The following SH3D19 variants were observed in gnomAD, a reference collection of about 807,000 sequenced individuals.
The protein encoded by SH3D19 is SH3 domain-containing protein 19.
Under a neutral mutation model 112.1 loss-of-function variants are expected in SH3D19, and 58 were observed. The ratio of observed to expected loss-of-function variants is 0.52; its 90% confidence interval spans 0.42 to 0.64. The LOEUF is 0.64. Ranked by LOEUF, SH3D19 falls within the 30% of genes least tolerant of loss-of-function variation. SH3D19 has a pLI of 0.00. For missense variants in SH3D19, 1,090 were observed against 1,263.4 expected, an observed-to-expected ratio of 0.86 and a Z score of 2.08; for synonymous variants, 391 against 448.5, an observed-to-expected ratio of 0.87 and a Z score of 1.62.
At chr4:151,129,236 G>A (rs1237064737) in intron 17 of SH3D19, among the ~76,000 whole-genome samples, 1 of 152,202 alleles carries the variant, frequency 6.6e-6, no homozygotes, top group Non-Finnish European at 1.5e-5. Flanking sequence ...ACACCCAGAT[G>A]TGGTGGGCTA....
intron 12 of SH3D19, 60 bp from the exon 13 acceptor site, chr4:151,139,907 C>T (rs946979976): frequency 2.0e-6 from 3 of 1,524,610 alleles, no homozygotes; most frequent in Non-Finnish European, 2.7e-6. Flanking sequence ...ATTTATTATT[C>T]ACTCTGAGAC....
intron 14 of SH3D19, among the ~76,000 whole-genome samples, 175 bp from the exon 15 acceptor site, chr4:151,135,307 A>T (rs1751575902): frequency 6.6e-6 from 1 of 151,252 alleles, no homozygotes; most frequent in African/African-American, 2.4e-5. Context: ...AATTTGGATT[A>T]AAAAAAAAGT....
chr4:151,225,959 C>G, intron 2 of SH3D19, 88 bp downstream of exon 2: 1 of 857,780 alleles, frequency 1.2e-6, no homozygotes, highest in East Asian at 3.3e-5. Context: ...TAGACAGTAA[C>G]TCTAAAGAGG....
chr4:151,207,773 G>A (rs545575762), intron 2 of SH3D19, among the ~76,000 whole-genome samples: 2 of 152,302 alleles, frequency 1.3e-5, no homozygotes, highest in African/African-American at 4.8e-5. Flanking sequence ...CTCCTTCACA[G>A]AATCCCACCA....
chr4:151,196,916 G>T (rs1335889764), intron 2 of SH3D19, among the ~76,000 whole-genome samples: 1 of 152,070 alleles, frequency 6.6e-6, no homozygotes, highest in African/African-American at 2.4e-5. Context: ...AATTATCAGA[G>T]AAATGCAAAT....
chr4:151,169,342 C>T (rs913031075), intron 7 of SH3D19, among the ~76,000 whole-genome samples: 2 of 152,116 alleles, frequency 1.3e-5, no homozygotes, highest in Non-Finnish European at 2.9e-5. Flanking sequence ...CTTCGTGTTC[C>T]ACCACCGCAG....
At chr4:151,274,558 G>T (rs1047453508) in intron 1 of SH3D19, among the ~76,000 whole-genome samples, 1 of 152,186 alleles carries the variant, frequency 6.6e-6, no homozygotes, top group African/African-American at 2.4e-5. Flanking sequence ...AGAAAGAAAT[G>T]ACATGGAATT....
rs376624334 is a variant in SH3D19 at position 151,228,491 on chromosome 4, C to A, written c.113-2405G>T. 6.6e-5 allele frequency among the ~76,000 whole-genome samples: 10 copies of A among 151,700 alleles called. No homozygotes were observed. In the South Asian group the frequency reaches 2.1e-3, roughly 32 times the overall value. On this transcript the variant is annotated intron_variant, in intron 1 of 19. Coordinates refer to ENST00000604030, the MANE Select transcript of SH3D19 (RefSeq NM_001378122.1). Reference sequence around the variant, plus strand: ...CATATAAATAATGGGGTGTGTGTTGCGTATCTGTGTGTCTTATATACTTAT... The same window carrying A: ...CATATAAATAATGGGGTGTGTGTTGAGTATCTGTGTGTCTTATATACTTAT...
intron 4 of SH3D19, among the ~76,000 whole-genome samples, chr4:151,177,965 G>A (rs1209630366): frequency 6.6e-6 from 1 of 152,186 alleles, no homozygotes; most frequent in African/African-American, 2.4e-5. Context: ...GCCTCACTCT[G>A]TTGCCCAGGC....
At chr4:151,197,453 A>C (rs919755070) in intron 2 of SH3D19, among the ~76,000 whole-genome samples, 1 of 152,208 alleles carries the variant, frequency 6.6e-6, no homozygotes, top group Non-Finnish European at 1.5e-5. Flanking sequence ...CAGCACAAAA[A>C]TTCAAATGTT....
chr4:151,276,390 G>A (rs1331292941), intron 1 of SH3D19, among the ~76,000 whole-genome samples: 1 of 152,096 alleles, frequency 6.6e-6, no homozygotes, highest in Non-Finnish European at 1.5e-5. Context: ...GCTGCTGACA[G>A]TTCACAGCTA....
At chr4:151,201,785 T>G (rs1453923620) in intron 2 of SH3D19, among the ~76,000 whole-genome samples, 4 of 151,772 alleles carry the variant, frequency 2.6e-5, no homozygotes, top group Non-Finnish European at 5.9e-5. Context: ...CCGAGGCGGG[T>G]GGATCACCTG....
chr4:151,253,130 C>T (rs1320372759), intron 1 of SH3D19, among the ~76,000 whole-genome samples: 1 of 152,184 alleles, frequency 6.6e-6, no homozygotes, highest in Non-Finnish European at 1.5e-5. Flanking sequence ...AACCGAAGTC[C>T]TCACAATAGC....
chr4:151,128,868 C>T (rs1749997581), intron 17 of SH3D19, among the ~76,000 whole-genome samples: 1 of 151,920 alleles, frequency 6.6e-6, no homozygotes, highest in African/African-American at 2.4e-5. Context: ...TGGTCTTGAA[C>T]TCTTGGCTCA....
intron 1 of SH3D19, among the ~76,000 whole-genome samples, chr4:151,265,582 T>C (rs1017100286): frequency 3.4e-5 from 5 of 147,726 alleles, no homozygotes; most frequent in South Asian, 4.3e-4. Flanking sequence ...TTTTTTTTTT[T>C]TTTTTTTTTT....
rs549878678 is a variant in SH3D19, at chr4:151,314,270, T to G, written c.112+10971A>C. 3.3e-5 allele frequency among the ~76,000 whole-genome samples: 5 copies of G among 152,332 alleles called. No homozygotes were observed. In the East Asian group the frequency reaches 9.6e-4, roughly 29 times the overall value. ...TATTTATTCTGAATGAAGTTGGCAC[T>G]AGGCAAAATAACAAAACCAGAAAAC... On this transcript the variant is annotated intron_variant, in intron 1 of 19. Coordinates refer to ENST00000604030, the MANE Select transcript of SH3D19 (RefSeq NM_001378122.1).
chr4:151,309,621 C>T (rs2126363409), intron 1 of SH3D19, among the ~76,000 whole-genome samples: 1 of 152,320 alleles, frequency 6.6e-6, no homozygotes, highest in Non-Finnish European at 1.5e-5. Flanking sequence ...GTACTCATTA[C>T]TAACCATCAG....
chr4:151,137,438 A>G (rs746940704), intron 14 of SH3D19, among the ~76,000 whole-genome samples: 2 of 152,200 alleles, frequency 1.3e-5, no homozygotes, highest in Non-Finnish European at 2.9e-5. Flanking sequence ...AAGAATTACC[A>G]TATATCCTTA....
intron 1 of SH3D19, among the ~76,000 whole-genome samples, chr4:151,290,563 T>C (rs935104398): frequency 4.6e-5 from 7 of 152,118 alleles, no homozygotes; most frequent in African/African-American, 1.4e-4. Context: ...TAATTACAAA[T>C]GGGTATGAGG....
Sources: allele counts gnomAD v4.1 joint callset (sites outside exome capture counted in the v4.1 genomes callset), GRCh38; gene constraint gnomAD v4.1.1; transcripts MANE v1.5; gene names NCBI Gene and HGNC (gene_info 2026-07-23, HGNC 2026-07-21).